The following PLCL1 variants were observed in gnomAD, a reference collection of about 807,000 sequenced individuals.
PLCL1 encodes phospholipase C like 1 (inactive), also known as inactive phospholipase C-like protein 1.
PLCL1 carries 41 observed loss-of-function variants against 84.4 expected under a neutral mutation model. That is an observed-to-expected ratio of 0.49 (90% CI 0.38 to 0.63). The LOEUF is 0.63. Among genes scored for constraint, PLCL1 ranks in the 30% least tolerant of loss-of-function variants. PLCL1 has a pLI of 0.00. For synonymous variants in PLCL1, 490 were observed against 488.3 expected (o/e 1.00, Z -0.05); for missense variants, 1,206 against 1,367.8 (o/e 0.88, Z 1.87).
At chr2:197,812,840 G>A (rs1690614217) in intron 1 of PLCL1, among the ~76,000 whole-genome samples, 1 of 152,204 alleles carries the variant, frequency 6.6e-6, no homozygotes, top group Admixed American at 6.5e-5. Flanking sequence ...GAACACTTTA[G>A]TGTTATCTGG....
intron 1 of PLCL1, among the ~76,000 whole-genome samples, chr2:197,895,538 A>G (rs1189113697): frequency 1.3e-5 from 2 of 152,030 alleles, no homozygotes; most frequent in African/African-American, 4.8e-5. Flanking sequence ...GTTGTAAAAT[A>G]TAAGTATATA....
rs1690903486 is a variant in PLCL1 at position 198,012,830 on chromosome 2, T to C, written c.241-70928T>C. ...CACCAAACTGAAAGAGGTTTAGTGT[T>C]CTGATGACAAAGCATACCTTACATA... On this transcript the variant is annotated intron_variant, in intron 1 of 5. Transcript: ENST00000428675. Among the ~76,000 whole-genome samples the C allele has an allele frequency of 3.9e-5, 6 of 151,986 alleles. No homozygotes were observed. The South Asian group carries it at 1.2e-3, about 31-fold the overall frequency.
chr2:197,926,517 C>G (rs140459532), intron 1 of PLCL1, among the ~76,000 whole-genome samples: 1 of 152,098 alleles, frequency 6.6e-6, no homozygotes, highest in African/African-American at 2.4e-5. Context: ...TTATAATTTA[C>G]GTGATATTTA....
chr2:198,104,440 A>G (rs1693421220), intron 5 of PLCL1, among the ~76,000 whole-genome samples: 1 of 152,006 alleles, frequency 6.6e-6, no homozygotes, highest in South Asian at 2.1e-4. Flanking sequence ...CCAGTCCACT[A>G]TTGACGGACA....
At chr2:197,809,248 A>C (rs1036041380) in intron 1 of PLCL1, among the ~76,000 whole-genome samples, 1 of 152,162 alleles carries the variant, frequency 6.6e-6, no homozygotes, top group Admixed American at 6.5e-5. Flanking sequence ...GAAACTCTCT[A>C]AAGTATGGAA....
chr2:198,072,708 G>A (rs182947470), intron 1 of PLCL1, among the ~76,000 whole-genome samples: 5 of 152,056 alleles, frequency 3.3e-5, no homozygotes, highest in African/African-American at 1.2e-4. Context: ...TTTGTCAGAT[G>A]TCTTTGGGGT....
chr2:198,048,375 G>A (rs1181024095), intron 1 of PLCL1, among the ~76,000 whole-genome samples: 1 of 152,178 alleles, frequency 6.6e-6, no homozygotes, highest in Non-Finnish European at 1.5e-5. Flanking sequence ...AGCTCTCTTA[G>A]ACCCTTTTAT....
At position 197,946,033 on chromosome 2, in the gene PLCL1, A is replaced by G. The variant is rs368825144; in HGVS notation, c.241-137725A>G. Among the ~76,000 whole-genome samples, 205 of 152,322 alleles carry G rather than the reference A, an allele frequency of 1.3e-3. 1 individual carries two copies. Among genetic ancestry groups the G allele is most frequent in the African/African-American group, 4.3e-3 (179 of 41,584 alleles). On this transcript the variant is annotated intron_variant, in intron 1 of 5. Transcript: ENST00000428675. Reference sequence around the variant, plus strand: ...AATGTCAACCATGTACAATTTGACTATGCTAAATGCTGAGGTTACTGAGTT... The same window carrying G: ...AATGTCAACCATGTACAATTTGACTGTGCTAAATGCTGAGGTTACTGAGTT...
At chr2:198,002,899 C>T (rs527504218) in intron 1 of PLCL1, among the ~76,000 whole-genome samples, 10 of 152,252 alleles carry the variant, frequency 6.6e-5, no homozygotes, top group East Asian at 1.9e-4. Flanking sequence ...CTTTGTTAAA[C>T]ATTTGGTCAT....
chr2:197,955,045 C>T (rs1347318879), intron 1 of PLCL1, among the ~76,000 whole-genome samples: 1 of 152,046 alleles, frequency 6.6e-6, no homozygotes, highest in Non-Finnish European at 1.5e-5. Flanking sequence ...TCAGAATATG[C>T]TACATTTTAG....
intron 1 of PLCL1, among the ~76,000 whole-genome samples, chr2:197,873,176 T>C (rs1172867631): frequency 6.6e-6 from 1 of 152,120 alleles, no homozygotes; most frequent in Non-Finnish European, 1.5e-5. Context: ...ATACAAATTG[T>C]TTACTATAAC....
chr2:197,916,989 C>A (rs1398989389), intron 1 of PLCL1, among the ~76,000 whole-genome samples: 1 of 151,928 alleles, frequency 6.6e-6, no homozygotes, highest in African/African-American at 2.4e-5. Flanking sequence ...GGCAAAAATC[C>A]AAAAAAACTG....
At chr2:198,078,757 A>G (rs1692641027) in intron 1 of PLCL1, among the ~76,000 whole-genome samples, 1 of 152,150 alleles carries the variant, frequency 6.6e-6, no homozygotes, top group African/African-American at 2.4e-5. Context: ...ATGTGATGAT[A>G]TAATTAGATA....
chr2:198,017,568 T>C (rs1691027654), intron 1 of PLCL1, among the ~76,000 whole-genome samples: 1 of 152,212 alleles, frequency 6.6e-6, no homozygotes, highest in Admixed American at 6.5e-5. Flanking sequence ...TCCAAGCCAA[T>C]TGTTGACATT....
chr2:198,090,186 A>G (rs1183367171), intron 3 of PLCL1, among the ~76,000 whole-genome samples: 2 of 152,106 alleles, frequency 1.3e-5, no homozygotes, highest in African/African-American at 4.8e-5. Flanking sequence ...GATTCCTTTG[A>G]AGATATTAAA....
Position 198,147,074 on chromosome 2 carries a change from T to C in PLCL1, c.*112T>C. The C allele has an allele frequency of 4.1e-6, 3 of 730,542 alleles. No individual in the cohort carries two copies. Among genetic ancestry groups the C allele is most frequent in the Non-Finnish European group, 6.6e-6 (3 of 456,226 alleles). The allele number at this position is 730,542 out of a possible 1,614,324, so 45.3% of individuals were successfully genotyped here. A position where few individuals can be genotyped will look rare whatever the true frequency, so the allele number is the denominator to read the frequency against. On this transcript the variant is annotated 3_prime_UTR_variant, in exon 6 of 6. Coordinates refer to ENST00000428675, the MANE Select transcript of PLCL1 (RefSeq NM_006226.4). ...TCACAAAATGGTGCCCTATATGGGG[T>C]ATTGGACATAGATATTTTCACAATG...
intron 1 of PLCL1, among the ~76,000 whole-genome samples, chr2:198,034,456 C>T (rs1443401451): frequency 6.6e-6 from 1 of 152,134 alleles, no homozygotes; most frequent in African/African-American, 2.4e-5. Flanking sequence ...TTCACAATAA[C>T]AAAGACCTGG....
At chr2:198,093,094 G>A (rs1467569905) in intron 3 of PLCL1, among the ~76,000 whole-genome samples, 3 of 152,144 alleles carry the variant, frequency 2.0e-5, no homozygotes, top group Non-Finnish European at 4.4e-5. Flanking sequence ...GCAAAACTAT[G>A]GAGACAGTAA....
At chr2:198,047,660 A>G (rs1367229212) in intron 1 of PLCL1, among the ~76,000 whole-genome samples, 2 of 152,248 alleles carry the variant, frequency 1.3e-5, no homozygotes, top group African/African-American at 4.8e-5. Context: ...ACACAGTTGA[A>G]CATATATTGG....
Sources: gnomAD v4.1 joint callset for allele counts (sites outside exome capture counted in the v4.1 genomes callset) on GRCh38, gnomAD v4.1.1 for gene constraint, MANE v1.5 for transcripts, NCBI Gene and HGNC (gene_info 2026-07-23, HGNC 2026-07-21) for gene names.